Variants in MBOAT4 observed in about 807,000 individuals in gnomAD.
MBOAT4 encodes membrane-bound ghrelin O-acyltransferase MBOAT4.
A neutral mutation model predicts 13.2 loss-of-function variants in MBOAT4; 11 were observed. The observed-to-expected ratio is 0.84, with a 90% confidence interval of 0.53 to 1.38. The LOEUF is 1.38. Ranked by LOEUF, MBOAT4 falls within the 40% of genes most tolerant of loss-of-function variation. The pLI is 0.00. For synonymous variants in MBOAT4, 202 were observed against 210.3 expected (o/e 0.96, Z 0.34); for missense variants, 481 against 527.2 (o/e 0.91, Z 0.86).
intron 2 of MBOAT4, among the ~76,000 whole-genome samples, chr8:30,134,724 T>G (rs916535878): frequency 6.6e-6 from 1 of 152,082 alleles, no homozygotes; most frequent in Non-Finnish European, 1.5e-5. Flanking sequence ...ATTTTTGTAT[T>G]TTTAGTAGAG....
intron 2 of MBOAT4, among the ~76,000 whole-genome samples, chr8:30,134,705 G>A (rs1488775151): frequency 1.3e-5 from 2 of 151,624 alleles, no homozygotes; most frequent in Non-Finnish European, 2.9e-5. Flanking sequence ...ACGCCACCAC[G>A]CCCAGCTAAT....
Position 30,132,732 on chromosome 8 carries a change from A to G in MBOAT4, c.519T>C (p.Pro173=). Residue 173 remains proline (P), a synonymous_variant, in exon 3 of 3, where the codon CCT becomes CCC. Transcript: ENST00000320542. ...LPYFSYLLFF[P]ALLGGSLCSF... ...AGCACAGAGAGCCTCCCAGGAGAGC[A>G]GGGAAAAAGAGCAAGTAGCTGAAAT... The G allele has an allele frequency of 6.4e-7, 1 of 1,551,708 alleles. No homozygotes were observed. The highest frequency in any genetic ancestry group is 8.7e-7 in the Non-Finnish European group (1 of 1,146,994).
At chr8:30,137,622 A>C in intron 2 of MBOAT4, 1 of 771,722 alleles carries the variant, frequency 1.3e-6, no homozygotes. Context: ...TATAACTGAG[A>C]CAGTGAAAGA....
At chr8:30,143,617 AT>A (rs1803301097) in intron 1 of MBOAT4, among the ~76,000 whole-genome samples, 1 of 152,148 alleles carries the variant, frequency 6.6e-6, no homozygotes, top group Admixed American at 6.5e-5. Context: ...AATCATTACA[AT>A]CAAGTCATCA....
In MBOAT4 at chr8:30,132,526, T is replaced by G. The variant is rs762897669; in HGVS notation, c.725A>C (p.Tyr242Ser). Residue 242 changes from tyrosine (Y) to serine (S), a missense_variant, in exon 3 of 3, where the codon TAT (tyrosine) becomes TCT (serine). Transcript: ENST00000320542. ...AAGCCCAGCTGTGGTCCACACGACA[T>G]AGATGCACTCGAATTGCTGGCAATC... ...LTDCQQFECIYVVWTTAGLFK... is the reference protein window; with the variant it reads ...LTDCQQFECISVVWTTAGLFK... The G allele has an allele frequency of 1.3e-6, 2 of 1,551,722 alleles. No homozygotes were observed. Among genetic ancestry groups the G allele is most frequent in the South Asian group, 2.4e-5 (2 of 84,060 alleles).
At position 30,138,774 on chromosome 8, in the gene MBOAT4, C is replaced by A; in HGVS notation, c.120-18G>T. 6.5e-7 allele frequency: 1 copy of A among 1,538,946 alleles called. No homozygotes were observed. On this transcript the variant is annotated intron_variant, in intron 1 of 2. Coordinates refer to ENST00000320542, the MANE Select transcript of MBOAT4 (RefSeq NM_001100916.2). ...AGAGGTACCTGAAAGAGAAGGGACA[C>A]CTTGGGGAGAATGACTTAGAACGGC...
At chr8:30,133,334 G>A (rs138505311) in intron 2 of MBOAT4, among the ~76,000 whole-genome samples, 4 of 152,236 alleles carry the variant, frequency 2.6e-5, no homozygotes, top group African/African-American at 4.8e-5. Context: ...CACTTTTTGC[G>A]TTGTTTGAAT....
chr8:30,138,767 A>AG lies in MBOAT4; in HGVS notation c.120-12dup. 6.5e-7 allele frequency: 1 copy of AG among 1,543,034 alleles called. No homozygotes were observed. The highest frequency in any genetic ancestry group is 8.8e-7 in the Non-Finnish European group (1 of 1,141,070). On this transcript the variant is annotated splice_polypyrimidine_tract_variant and intron_variant, in intron 1 of 2. Transcript: ENST00000320542. Reference sequence around the variant, plus strand: ...AGGAGAAAGAGGTACCTGAAAGAGAAGGGACACCTTGGGGAGAATGACTTA... The same window carrying AG: ...AGGAGAAAGAGGTACCTGAAAGAGAAGGGGACACCTTGGGGAGAATGACTTA...
In MBOAT4 at chr8:30,131,878, G is replaced by A. The variant is rs145528680; in HGVS notation, c.*65C>T. 26 of 1,470,042 alleles carry A rather than the reference G, an allele frequency of 1.8e-5. No homozygotes were observed. The highest frequency in any genetic ancestry group is 5.1e-5 in the Admixed American group (2 of 39,090). 91.1% of individuals were successfully genotyped at this position (1,470,042 alleles called of 1,614,324 possible). On this transcript the variant is annotated 3_prime_UTR_variant, in exon 3 of 3. Coordinates refer to ENST00000320542, the MANE Select transcript of MBOAT4 (RefSeq NM_001100916.2). Reference sequence around the variant, plus strand: ...GAAAAGTTCAAATGTATGCATTATCGATGCGTCATCTGGCACTTTCTAAAA... The same window carrying A: ...GAAAAGTTCAAATGTATGCATTATCAATGCGTCATCTGGCACTTTCTAAAA...
In MBOAT4 at chr8:30,132,124, A is replaced by G; in HGVS notation, c.1127T>C (p.Leu376Pro). 1 of 1,551,778 alleles carries G rather than the reference A, an allele frequency of 6.4e-7. No homozygotes were observed. ...GGCCCAGGTGAGGGTTCTATAGAACAGCCTCATCGGCCAGGATCTGATAAA... is the reference window on the plus strand; with the variant it reads ...GGCCCAGGTGAGGGTTCTATAGAACGGCCTCATCGGCCAGGATCTGATAAA... ...NEFIRSWPMR[L>P]FYRTLTWAHT... The change falls in exon 3 of 3, where the codon CTG becomes CCG. Residue 376 changes from leucine (L) to proline (P), a missense_variant. Transcript: ENST00000320542.
At chr8:30,133,879 A>G (rs1803082458) in intron 2 of MBOAT4, among the ~76,000 whole-genome samples, 1 of 152,152 alleles carries the variant, frequency 6.6e-6, no homozygotes, top group African/African-American at 2.4e-5. Flanking sequence ...AAACAGAGCC[A>G]GGAAAAGGTA....
chr8:30,137,317 G>A (rs1038712384), intron 2 of MBOAT4: 10 of 1,551,638 alleles, frequency 6.4e-6, no homozygotes, highest in Non-Finnish European at 8.7e-6. Flanking sequence ...AGCTGAGTCT[G>A]AAGGAAGAGA....
chr8:30,144,290 G>A (rs142136164), intron 1 of MBOAT4, among the ~76,000 whole-genome samples, 193 bp downstream of exon 1: 5 of 152,174 alleles, frequency 3.3e-5, no homozygotes, highest in Non-Finnish European at 7.3e-5. Context: ...GAGCCACCAT[G>A]CCCAGCTAAT....
chr8:30,132,534 C>A lies in MBOAT4; in HGVS notation c.717G>T (p.Glu239Asp), dbSNP rs766256069. The A allele has an allele frequency of 3.2e-6, 5 of 1,551,752 alleles. No individual in the cohort carries two copies. In the South Asian group the frequency reaches 3.6e-5, roughly 11 times the overall value. The change falls in exon 3 of 3, where the codon GAG becomes GAT. Residue 239 changes from glutamate (E) to aspartate (D), a missense_variant. Glu to Asp is a conservative substitution (Grantham distance 45). Coordinates refer to ENST00000320542, the MANE Select transcript of MBOAT4 (RefSeq NM_001100916.2). ...CTGTGGTCCACACGACATAGATGCACTCGAATTGCTGGCAATCAGTCAGTC... is the reference window on the plus strand; with the variant it reads ...CTGTGGTCCACACGACATAGATGCAATCGAATTGCTGGCAATCAGTCAGTC... ...GAGLTDCQQF[E>D]CIYVVWTTAG... is the part of the protein sequence containing the mutation.
intron 2 of MBOAT4, among the ~76,000 whole-genome samples, chr8:30,136,136 A>G (rs1003316530): frequency 1.3e-5 from 2 of 152,168 alleles, no homozygotes; most frequent in Non-Finnish European, 2.9e-5. Flanking sequence ...TATGGACTGA[A>G]TGTGCCCCCA....
At position 30,144,622 on chromosome 8, in the gene MBOAT4, C is replaced by T. The variant is rs1803319487; in HGVS notation, c.-21G>A. The T allele has an allele frequency of 2.1e-6, 3 of 1,462,804 alleles. No homozygotes were observed. The highest frequency in any genetic ancestry group is 2.5e-5 in the South Asian group (2 of 81,364). 90.6% of individuals were successfully genotyped at this position (1,462,804 alleles called of 1,614,324 possible). ...TCCATTAGGAACCAGAACAAAAGAG[C>T]CTGTCTTTTCCAGTGTCCTTAACTG... is the stretch of plus-strand genomic sequence containing the variant. On this transcript the variant is annotated 5_prime_UTR_variant, in exon 1 of 3. Coordinates refer to ENST00000320542, the MANE Select transcript of MBOAT4 (RefSeq NM_001100916.2).
At position 30,143,259 on chromosome 8, in the gene MBOAT4, A is replaced by T. The variant is rs577640524; in HGVS notation, c.119+1224T>A. Among the ~76,000 whole-genome samples, 5 of 151,990 alleles carry T rather than the reference A, an allele frequency of 3.3e-5. No individual in the cohort carries two copies. In the East Asian group the frequency reaches 9.7e-4, roughly 29 times the overall value. On this transcript the variant is annotated intron_variant, in intron 1 of 2. Coordinates refer to ENST00000320542, the MANE Select transcript of MBOAT4 (RefSeq NM_001100916.2). ...GGTACTGGGGAGGCTGAGGCAGGAG[A>T]ATCCCTTGAATCCAGGAGGTGGAGG... is the stretch of plus-strand genomic sequence containing the variant.
chr8:30,139,806 T>C (rs1164083917), intron 1 of MBOAT4, among the ~76,000 whole-genome samples: 1 of 151,878 alleles, frequency 6.6e-6, no homozygotes, highest in African/African-American at 2.4e-5. Flanking sequence ...AAAAAAAAAT[T>C]TGTTTAATAG....
chr8:30,138,029 G>A (rs996442123), intron 2 of MBOAT4: 2 of 172,056 alleles, frequency 1.2e-5, no homozygotes, highest in African/African-American at 2.4e-5. Flanking sequence ...CCACCCAGGA[G>A]CTGACTCAAT....
Sources: allele counts gnomAD v4.1 joint callset (sites outside exome capture counted in the v4.1 genomes callset), GRCh38; gene constraint gnomAD v4.1.1; transcripts MANE v1.5; gene names NCBI Gene and HGNC (gene_info 2026-07-23, HGNC 2026-07-21).